PRKG1: variants seen among roughly 807,000 people sequenced by gnomAD.
The protein encoded by PRKG1 is protein kinase cGMP-dependent 1, also known as cGMP-dependent protein kinase 1.
In PRKG1, 35 loss-of-function variants were observed where a neutral mutation model predicts 88.1. The ratio of observed to expected loss-of-function variants is 0.40; its 90% CI spans 0.30 to 0.53. PRKG1 has a LOEUF of 0.53. Ranked by LOEUF, PRKG1 falls within the 20% of genes least tolerant of loss-of-function variation. The pLI is 0.59. For missense variants in PRKG1, 540 were observed against 839.8 expected, an observed-to-expected ratio of 0.64 and a Z score of 4.41; for synonymous variants, 303 against 292.5, an observed-to-expected ratio of 1.04 and a Z score of -0.37.
intron 2 of PRKG1, among the ~76,000 whole-genome samples, chr10:51,219,128 C>T (rs1838455454): frequency 1.3e-5 from 2 of 152,256 alleles, no homozygotes; most frequent in Non-Finnish European, 2.9e-5. Flanking sequence ...GTAGTATCAG[C>T]TGATAATTTT....
At chr10:51,829,791 T>C (rs952483244) in intron 4 of PRKG1, among the ~76,000 whole-genome samples, 3 of 152,210 alleles carry the variant, frequency 2.0e-5, no homozygotes, top group African/African-American at 7.2e-5. Flanking sequence ...CTTTTTAGTC[T>C]GTTTGGAATT....
At chr10:52,089,804 C>CTTTTTTTTTTT (rs397846439) in intron 7 of PRKG1, among the ~76,000 whole-genome samples, 15 of 67,732 alleles carry the variant, frequency 2.2e-4, no homozygotes, top group African/African-American at 4.0e-4. Flanking sequence ...TTCTTTCCTT[C>CTTTTTTTTTTT]TTTTTTTTTT....
At chr10:52,104,504 A>G (rs1159264828) in intron 7 of PRKG1, among the ~76,000 whole-genome samples, 1 of 152,114 alleles carries the variant, frequency 6.6e-6, no homozygotes, top group African/African-American at 2.4e-5. Flanking sequence ...TTCTGAAAAA[A>G]AAAAATTGTT....
chr10:51,346,843 T>C (rs1842124102), intron 2 of PRKG1, among the ~76,000 whole-genome samples: 1 of 152,206 alleles, frequency 6.6e-6, no homozygotes, highest in Admixed American at 6.5e-5. Flanking sequence ...CTAATCTTCC[T>C]CTGTTTTATT....
intron 3 of PRKG1, among the ~76,000 whole-genome samples, chr10:51,711,012 T>C (rs1444661477): frequency 6.6e-6 from 1 of 151,404 alleles, no homozygotes; most frequent in Non-Finnish European, 1.5e-5. Flanking sequence ...GGTTTTCTTT[T>C]TTAAAGACGT....
intron 5 of PRKG1, among the ~76,000 whole-genome samples, chr10:51,916,683 G>A (rs1309257473): frequency 2.0e-5 from 3 of 152,180 alleles, no homozygotes; most frequent in Admixed American, 6.5e-5. Context: ...ATACCCAAGA[G>A]AATTGGAAAC....
At chr10:51,104,652 T>C (rs1844776317) in intron 1 of PRKG1, among the ~76,000 whole-genome samples, 1 of 152,066 alleles carries the variant, frequency 6.6e-6, no homozygotes, top group African/African-American at 2.4e-5. Flanking sequence ...CTGGAGTAGC[T>C]GTGATTACAG....
chr10:51,275,259 T>C (rs931386514), intron 2 of PRKG1, among the ~76,000 whole-genome samples: 3 of 152,252 alleles, frequency 2.0e-5, no homozygotes, highest in African/African-American at 7.2e-5. Context: ...TTATGTGTTA[T>C]AATTTTAATT....
At chr10:51,715,844 T>C (rs76692213) in intron 3 of PRKG1, among the ~76,000 whole-genome samples, 17,260 of 152,202 alleles carry the variant, frequency 0.11, 1,176 homozygotes, top group African/African-American at 0.19. Context: ...ATGATGTCCA[T>C]CAAAAGTGTT....
intron 5 of PRKG1, among the ~76,000 whole-genome samples, chr10:51,987,747 C>T (rs1052048090): frequency 1.8e-4 from 27 of 152,010 alleles, no homozygotes; most frequent in Non-Finnish European, 3.5e-4. Context: ...CCCATAATTT[C>T]ATGTCAGTGT....
At chr10:51,763,273 C>A (rs1838069485) in intron 3 of PRKG1, among the ~76,000 whole-genome samples, 1 of 151,844 alleles carries the variant, frequency 6.6e-6, no homozygotes, top group African/African-American at 2.4e-5. Flanking sequence ...ACTTTGTCGG[C>A]AAGGCTAGAG....
At chr10:51,868,003 C>T (rs918382353) in intron 4 of PRKG1, among the ~76,000 whole-genome samples, 4 of 152,078 alleles carry the variant, frequency 2.6e-5, no homozygotes, top group African/African-American at 4.8e-5. Context: ...TCATCACTTA[C>T]GCATGGCCTG....
At chr10:51,572,387 T>C (rs755538118) in intron 3 of PRKG1, among the ~76,000 whole-genome samples, 5 of 151,836 alleles carry the variant, frequency 3.3e-5, no homozygotes, top group Admixed American at 6.6e-5. Context: ...CAAGGTGCAC[T>C]GTATAAATTT....
chr10:52,243,874 G>C (rs531491782), intron 9 of PRKG1, among the ~76,000 whole-genome samples: 1 of 152,052 alleles, frequency 6.6e-6, no homozygotes, highest in Non-Finnish European at 1.5e-5. Flanking sequence ...GTTGGCTATA[G>C]CTCCTCAAGA....
chr10:51,597,123 G>A (rs1359813212), intron 3 of PRKG1, among the ~76,000 whole-genome samples: 3 of 151,290 alleles, frequency 2.0e-5, no homozygotes, highest in Non-Finnish European at 4.4e-5. Flanking sequence ...TATTCTAGTT[G>A]GTATATGTTT....
intron 10 of PRKG1, among the ~76,000 whole-genome samples, chr10:52,253,877 C>A (rs1841244285): frequency 1.3e-5 from 2 of 151,308 alleles, no homozygotes; most frequent in South Asian, 4.2e-4. Flanking sequence ...ACGTCCTTAA[C>A]CTTTTACGGC....
chr10:51,899,697 A>ATATATATATATAC (rs58444517), intron 4 of PRKG1, among the ~76,000 whole-genome samples: 1 of 148,326 alleles, frequency 6.7e-6, no homozygotes, highest in Admixed American at 6.8e-5. Flanking sequence ...ATATATATAC[A>ATATATATATATAC]AATTTCTCAA....
intron 2 of PRKG1, among the ~76,000 whole-genome samples, chr10:51,425,800 A>G (rs1838562615): frequency 6.6e-6 from 1 of 152,234 alleles, no homozygotes; most frequent in Non-Finnish European, 1.5e-5. Context: ...TTGAGGTTTT[A>G]GAGGAAATGC....
intron 2 of PRKG1, among the ~76,000 whole-genome samples, chr10:51,317,744 G>A (rs938232773): frequency 6.6e-6 from 1 of 152,144 alleles, no homozygotes; most frequent in Non-Finnish European, 1.5e-5. Flanking sequence ...GCTCTCAACA[G>A]CAGTTCCCTG....
Sources: allele counts gnomAD v4.1 joint callset (sites outside exome capture counted in the v4.1 genomes callset), GRCh38; gene constraint gnomAD v4.1.1; transcripts MANE v1.5; gene names NCBI Gene and HGNC (gene_info 2026-07-23, HGNC 2026-07-21).